EPS15: variants seen among roughly 807,000 people sequenced by gnomAD.
EPS15 encodes epidermal growth factor receptor substrate 15.
A neutral mutation model predicts 113.8 loss-of-function variants in EPS15; 72 were observed. The observed-to-expected ratio is 0.63, with a 90% confidence interval of 0.52 to 0.77. The LOEUF (loss-of-function observed/expected upper bound fraction) is 0.77. Among genes scored for constraint, EPS15 ranks in the 30% least tolerant of loss-of-function variants. The pLI is 0.00. For missense variants in EPS15, 1,048 were observed against 1,045.8 expected (o/e 1.00, Z -0.03); for synonymous variants, 344 against 363.4 (o/e 0.95, Z 0.61).
chr1:51,411,399 T>C (rs959211000), intron 13 of EPS15, among the ~76,000 whole-genome samples: 3 of 152,174 alleles, frequency 2.0e-5, no homozygotes, highest in Admixed American at 6.5e-5. Flanking sequence ...CCTTGTGCCA[T>C]GAATTGCTAA....
intron 21 of EPS15, among the ~76,000 whole-genome samples, chr1:51,369,199 T>C (rs957790846): frequency 3.0e-4 from 45 of 152,226 alleles, no homozygotes; most frequent in African/African-American, 1.1e-3. Flanking sequence ...TTTCTACACT[T>C]TCCTCATAAA....
intron 24 of EPS15, among the ~76,000 whole-genome samples, chr1:51,359,327 C>T (rs1264997954): frequency 6.6e-6 from 1 of 151,188 alleles, no homozygotes; most frequent in East Asian, 2.0e-4. Context: ...GCCTGTAGTC[C>T]CAGCTACTTG....
At chr1:51,430,832 G>A (rs1005551777) in intron 12 of EPS15, among the ~76,000 whole-genome samples, 6 of 151,706 alleles carry the variant, frequency 4.0e-5, no homozygotes, top group African/African-American at 1.5e-4. Context: ...GATGGCACAT[G>A]CCTGTAGTCC....
chr1:51,467,600 G>T (rs995096836), intron 5 of EPS15, among the ~76,000 whole-genome samples: 2 of 152,150 alleles, frequency 1.3e-5, no homozygotes, highest in African/African-American at 4.8e-5. Context: ...CAATCCCTGG[G>T]CCACAAACTG....
chr1:51,471,201 G>T (rs1570376096), intron 4 of EPS15, among the ~76,000 whole-genome samples: 1 of 152,214 alleles, frequency 6.6e-6, no homozygotes, highest in East Asian at 1.9e-4. Context: ...CACTGATGGT[G>T]TTCAACACCC....
chr1:51,477,310 C>A (rs969841751), intron 2 of EPS15, among the ~76,000 whole-genome samples: 4 of 152,000 alleles, frequency 2.6e-5, no homozygotes, highest in Non-Finnish European at 4.4e-5. Context: ...TCCCCTTTAT[C>A]ATTTTTTATT....
At chr1:51,408,357 G>T (rs758244619) in intron 14 of EPS15, 25 bp from the exon 15 acceptor site, 2 of 1,503,048 alleles carry the variant, frequency 1.3e-6, no homozygotes, top group South Asian at 2.3e-5. Context: ...TGAATGAGAA[G>T]AAATGGGGAT....
In EPS15 at chr1:51,455,678, G is replaced by C. The variant is rs543058310; in HGVS notation, c.561+5413C>G. The stretch of plus-strand genomic sequence containing the variant: ...ACTTTCTACAAAGCCAAATGGGCCA[G>C]AAGTTAAACTCGGAAATATATTTCC... On this transcript the variant is annotated intron_variant, in intron 8 of 24. Coordinates refer to ENST00000371733, the MANE Select transcript of EPS15 (RefSeq NM_001981.3). Among the ~76,000 whole-genome samples the C allele has an allele frequency of 3.3e-5, 5 of 152,226 alleles. No individual in the cohort carries two copies. The South Asian group carries it at 8.3e-4, about 25-fold the overall frequency.
chr1:51,479,222 C>T (rs1643974578), intron 2 of EPS15, among the ~76,000 whole-genome samples: 1 of 152,128 alleles, frequency 6.6e-6, no homozygotes, highest in African/African-American at 2.4e-5. Flanking sequence ...ACCACTGATA[C>T]CTTTTCTTCC....
At chr1:51,409,493 C>T in intron 14 of EPS15, 42 bp downstream of exon 14, 2 of 1,550,620 alleles carry the variant, frequency 1.3e-6, no homozygotes, top group Non-Finnish European at 8.7e-7. Context: ...GGAAAAGCAA[C>T]TAATGTATAG....
At chr1:51,434,710 C>T (rs1404888014) in intron 12 of EPS15, among the ~76,000 whole-genome samples, 1 of 152,124 alleles carries the variant, frequency 6.6e-6, no homozygotes, top group Non-Finnish European at 1.5e-5. Flanking sequence ...TCGCACTTGT[C>T]TCCCAGGCTG....
chr1:51,500,608 C>T (rs1644395011), intron 1 of EPS15, among the ~76,000 whole-genome samples: 1 of 152,092 alleles, frequency 6.6e-6, no homozygotes, highest in South Asian at 2.1e-4. Context: ...CTCGACCTCC[C>T]AAGCTCAAGC....
intron 12 of EPS15, among the ~76,000 whole-genome samples, chr1:51,429,646 T>G (rs899028983): frequency 2.1e-5 from 3 of 144,968 alleles, no homozygotes; most frequent in Non-Finnish European, 3.0e-5. Flanking sequence ...GTTGTTGGTT[T>G]TTTTTTTTTT....
chr1:51,393,145 G>A (rs1000180074), intron 21 of EPS15, among the ~76,000 whole-genome samples: 7 of 152,062 alleles, frequency 4.6e-5, no homozygotes, highest in Admixed American at 1.3e-4. Context: ...TTTCCAACCC[G>A]AAAACAATGC....
At chr1:51,454,049 CAAA>C (rs376428827) in intron 8 of EPS15, among the ~76,000 whole-genome samples, 10,971 of 88,026 alleles carry the variant, frequency 0.12, 701 homozygotes, top group African/African-American at 0.25. Flanking sequence ...GACTTTGTTT[CAAA>C]AAAAAAAAAA....
At chr1:51,424,845 G>A (rs1015219125) in intron 12 of EPS15, among the ~76,000 whole-genome samples, 1 of 152,130 alleles carries the variant, frequency 6.6e-6, no homozygotes, top group African/African-American at 2.4e-5. Context: ...GGAAGCTGCA[G>A]TGAGCAGCTA....
intron 21 of EPS15, among the ~76,000 whole-genome samples, chr1:51,374,642 T>G (rs1646743135): frequency 6.6e-6 from 1 of 152,142 alleles, no homozygotes; most frequent in Non-Finnish European, 1.5e-5. Flanking sequence ...CCAGTAAGAA[T>G]TCTAAATTTG....
chr1:51,422,757 T>C (rs765902554), intron 12 of EPS15, among the ~76,000 whole-genome samples: 3 of 152,218 alleles, frequency 2.0e-5, no homozygotes, highest in Non-Finnish European at 4.4e-5. Flanking sequence ...CTTCACTTTC[T>C]TTTCTACAAA....
chr1:51,399,623 T>C (rs976555039), intron 19 of EPS15, among the ~76,000 whole-genome samples: 3 of 151,754 alleles, frequency 2.0e-5, no homozygotes, highest in East Asian at 3.9e-4. Flanking sequence ...CTTTGGGAGG[T>C]TGAGGTAGAC....
Sources: gnomAD v4.1 joint callset for allele counts (sites outside exome capture counted in the v4.1 genomes callset) on GRCh38, gnomAD v4.1.1 for gene constraint, MANE v1.5 for transcripts, NCBI Gene and HGNC (gene_info 2026-07-23, HGNC 2026-07-21) for gene names.